IRAK1BP1: variants seen among roughly 807,000 people sequenced by gnomAD.
The protein encoded by IRAK1BP1 is interleukin 1 receptor associated kinase 1 binding protein 1, also known as interleukin-1 receptor-associated kinase 1-binding protein 1.
Under a neutral mutation model 28.0 loss-of-function variants are expected in IRAK1BP1, and 24 were observed. That is an observed-to-expected ratio of 0.86 (90% confidence interval 0.62 to 1.20). The LOEUF is 1.20. IRAK1BP1 is among the 50% of genes most tolerant of loss of function. The pLI is 0.00. For missense variants in IRAK1BP1, 336 were observed against 316.7 expected (o/e 1.06, Z -0.46); for synonymous variants, 131 against 116.3 (o/e 1.13, Z -0.81).
downstream of IRAK1BP1, chr6:78,947,863 T>C (rs952165902): frequency 2.4e-6 from 2 of 824,624 alleles, no homozygotes; most frequent in African/African-American, 3.4e-5. Flanking sequence ...ATTTTTATGA[T>C]GACTGCAAGT....
At chr6:78,946,181 A>C in exon 5 of IRAK1BP1, 1 of 1,613,804 alleles carries the variant, frequency 6.2e-7, no homozygotes, top group Non-Finnish European at 8.5e-7. Flanking sequence ...GGCGGTATTG[A>C]TCGTGTAGGT....
downstream of IRAK1BP1, among the ~76,000 whole-genome samples, chr6:78,906,612 C>T (rs192960721): frequency 1.3e-5 from 2 of 152,142 alleles, no homozygotes; most frequent in South Asian, 2.1e-4. Context: ...AATTTATTGA[C>T]TCACATTCCT....
the IRAK1BP1 span, chr6:78,955,650 T>C: frequency 4.8e-5 from 53 of 1,097,904 alleles, no homozygotes; most frequent in African/African-American, 7.1e-4. Context: ...CATTGAATTA[T>C]AAAGTGGAAT....
intron 1 of IRAK1BP1, among the ~76,000 whole-genome samples, chr6:78,877,931 T>C (rs961204713): frequency 1.4e-5 from 2 of 147,630 alleles, no homozygotes; most frequent in African/African-American, 5.0e-5. Context: ...AAGGCAGCAG[T>C]GAGGGAGGGG....
chr6:78,948,626 C>T (rs1250939611), downstream of IRAK1BP1, among the ~76,000 whole-genome samples: 1 of 152,056 alleles, frequency 6.6e-6, no homozygotes, highest in Non-Finnish European at 1.5e-5. Context: ...TCTCAAGTAG[C>T]GGGGACTACA....
chr6:78,934,754 T>G (rs1354607805), intron 4 of IRAK1BP1, among the ~76,000 whole-genome samples: 1 of 152,152 alleles, frequency 6.6e-6, no homozygotes, highest in Non-Finnish European at 1.5e-5. Flanking sequence ...ACTTTACAGA[T>G]GAGGAAAATG....
chr6:78,908,448 A>C (rs1772316935), intron 4 of IRAK1BP1, among the ~76,000 whole-genome samples: 1 of 152,110 alleles, frequency 6.6e-6, no homozygotes, highest in Non-Finnish European at 1.5e-5. Flanking sequence ...CACCAGACTC[A>C]AGTGATCTTC....
At chr6:78,943,579 A>T (rs1773624450) in intron 4 of IRAK1BP1, among the ~76,000 whole-genome samples, 1 of 152,244 alleles carries the variant, frequency 6.6e-6, no homozygotes, top group African/African-American at 2.4e-5. Context: ...ATTAAAAATG[A>T]GTAAACACAT....
chr6:78,876,249 G>T (rs982835482), intron 1 of IRAK1BP1, among the ~76,000 whole-genome samples: 1 of 152,152 alleles, frequency 6.6e-6, no homozygotes, highest in Non-Finnish European at 1.5e-5. Context: ...TGTAAGACGT[G>T]CCTTGCTTCC....
rs114531018 is a variant in IRAK1BP1, at chr6:78,880,703, A to G, written c.316-4675A>G. 5.9e-3 allele frequency among the ~76,000 whole-genome samples: 897 copies of G among 152,360 alleles called. 4 individuals are homozygous for G. The highest frequency in any genetic ancestry group is 0.02 in the African/African-American group (827 of 41,578). On this transcript the variant is annotated intron_variant, in intron 1 of 3. Coordinates refer to ENST00000369940, the MANE Select transcript of IRAK1BP1 (RefSeq NM_001010844.4). ...ATTCAGCAGTAACAAACAGCTCAAT[A>G]AAAATGCACAAAAGATCTTAACAGA... is the stretch of plus-strand genomic sequence containing the variant.
At chr6:78,947,288 T>C (rs1473174132), downstream of IRAK1BP1, among the ~76,000 whole-genome samples, 1 of 152,194 alleles carries the variant, frequency 6.6e-6, no homozygotes, top group Non-Finnish European at 1.5e-5. Flanking sequence ...AAATTATATT[T>C]TTACTTATTT....
At chr6:78,922,364 A>G (rs777695979) in intron 4 of IRAK1BP1, among the ~76,000 whole-genome samples, 33 of 152,216 alleles carry the variant, frequency 2.2e-4, no homozygotes, top group Non-Finnish European at 3.8e-4. Context: ...AGAGAAGAGA[A>G]GTTTAGAGAA....
At chr6:78,966,122 AC>A in the IRAK1BP1 span, 1 of 994,614 alleles carries the variant, frequency 1.0e-6, no homozygotes, top group Non-Finnish European at 1.6e-6. Context: ...CTTTTTCCTA[AC>A]GTTAACCTTT....
chr6:78,920,420 C>A (rs1007775537), intron 4 of IRAK1BP1, among the ~76,000 whole-genome samples: 2 of 152,150 alleles, frequency 1.3e-5, no homozygotes, highest in African/African-American at 4.8e-5. Context: ...GGTACTGGTA[C>A]AAAAACAGAC....
intron 1 of IRAK1BP1, 46 bp from the exon 2 acceptor site, chr6:78,885,332 G>A (rs1490371902): frequency 1.2e-5 from 12 of 1,024,068 alleles, no homozygotes; most frequent in Admixed American, 4.2e-5. Flanking sequence ...TAGAGTAATT[G>A]CATCAAATAT....
chr6:78,926,329 C>A (rs1046802353), intron 4 of IRAK1BP1, among the ~76,000 whole-genome samples: 1 of 152,112 alleles, frequency 6.6e-6, no homozygotes, highest in Non-Finnish European at 1.5e-5. Context: ...GGGTATATAT[C>A]CAAAAGAAAA....
chr6:78,963,383 T>C, the IRAK1BP1 span: 4 of 601,432 alleles, frequency 6.7e-6, no homozygotes, highest in African/African-American at 2.0e-5. Flanking sequence ...ACTCTTTATT[T>C]TAACAAAGGA....
At chr6:78,884,266 T>C (rs948471817) in intron 1 of IRAK1BP1, among the ~76,000 whole-genome samples, 1 of 152,126 alleles carries the variant, frequency 6.6e-6, no homozygotes, top group African/African-American at 2.4e-5. Flanking sequence ...AACCATGTCT[T>C]CTTCAAATAA....
the IRAK1BP1 span, among the ~76,000 whole-genome samples, chr6:78,977,869 T>A: frequency 6.6e-6 from 1 of 152,166 alleles, no homozygotes; most frequent in Non-Finnish European, 1.5e-5. Flanking sequence ...GTTTTCTTTT[T>A]TTTCTTAAAG....
Sources: allele counts gnomAD v4.1 joint callset (sites outside exome capture counted in the v4.1 genomes callset), GRCh38; gene constraint gnomAD v4.1.1; transcripts MANE v1.5; gene names NCBI Gene and HGNC (gene_info 2026-07-23, HGNC 2026-07-21).